Variants in MCF2L observed in about 807,000 individuals in gnomAD.
MCF2L encodes MCF.2 cell line derived transforming sequence like.
In MCF2L, 97 loss-of-function variants were observed where a neutral mutation model predicts 153.4. The observed-to-expected ratio is 0.63, with a 90% CI of 0.54 to 0.75. MCF2L has a LOEUF of 0.75. Ranked by LOEUF, MCF2L falls within the 30% of genes least tolerant of loss-of-function variation. MCF2L has a pLI of 0.00. For missense variants in MCF2L, 1,347 were observed against 1,495.2 expected (o/e 0.90, Z 1.64); for synonymous variants, 659 against 632.2 (o/e 1.04, Z -0.64).
intron 1 of MCF2L, chr13:113,010,121 C>G (rs919599116): frequency 6.0e-5 from 9 of 149,964 alleles, no homozygotes; most frequent in South Asian, 2.1e-4. Flanking sequence ...CCATACCCCC[C>G]CCACCCGCAC....
Position 112,969,290 on chromosome 13 carries a change from C to T in MCF2L, c.-90C>T. The T allele has an allele frequency of 6.6e-7, 1 of 1,514,956 alleles. No homozygotes were observed. Among genetic ancestry groups the T allele is most frequent in the Non-Finnish European group, 8.9e-7 (1 of 1,124,860 alleles). The allele number at this position is 1,514,956 out of a possible 1,614,324, so 93.8% of individuals were successfully genotyped here. ...CGTGGCCCCCTCCCCGCCTCCGCCG[C>T]GCCCCCTCCGCACTCGCACGGCCCC... On this transcript the variant is annotated 5_prime_UTR_variant, in exon 1 of 30. Coordinates refer to ENST00000535094, the MANE Select transcript of MCF2L (RefSeq NM_001112732.3). This position sits in a 1 kb window ranked among gnomAD's most constrained non-coding sequence, Gnocchi z 4.8.
At chr13:112,929,165 C>T (rs1286919538) in intron 2 of MCF2L, among the ~76,000 whole-genome samples, 1 of 152,238 alleles carries the variant, frequency 6.6e-6, no homozygotes, top group Non-Finnish European at 1.5e-5. Flanking sequence ...GCTGTTGGCT[C>T]ATTTTGCCTT....
At chr13:113,038,698 A>G (rs1397436730) in intron 3 of MCF2L, among the ~76,000 whole-genome samples, 1 of 152,168 alleles carries the variant, frequency 6.6e-6, no homozygotes, top group East Asian at 1.9e-4. Context: ...AGGAATAGTC[A>G]CCCAACTTTG....
At position 112,916,493 on chromosome 13, in the gene MCF2L, G is replaced by T. The variant is rs543603647; in HGVS notation, c.169+14122G>T. The stretch of plus-strand genomic sequence containing the variant: ...TCTCCGCACGTCCGCGCTCTCGCGT[G>T]CCTCACCTGTGAGGTCCTCTCCCTT... On this transcript the variant is annotated intron_variant, in intron 2 of 29. Transcript: ENST00000375608. Among the ~76,000 whole-genome samples the T allele has an allele frequency of 2.2e-4, 33 of 152,290 alleles. No individual in the cohort carries two copies. In the South Asian group the frequency reaches 6.6e-3, roughly 31 times the overall value.
In MCF2L at chr13:113,076,145, C is replaced by A. The variant is rs2033451079; in HGVS notation, c.1488C>A (p.Asn496Lys). 1 of 1,612,412 alleles carries A rather than the reference C, an allele frequency of 6.2e-7. No homozygotes were observed. The stretch of plus-strand genomic sequence containing the variant: ...ACAAGGAATACGAATCCATCCTCAA[C>A]CAAGATCTCATGGTAACGCTGACTC... ...AIYKEYESIL[N>K]QDLMEHVRKV... The change falls in exon 12 of 30, where the codon AAC (asparagine) becomes AAA (lysine). Residue 496 changes from asparagine to lysine, a missense_variant. Around this residue, in one of 3 missense-constraint regions of MCF2L, gnomAD observed 820 missense variants for 921.2 expected, o/e 0.89. Transcript: ENST00000535094.
rs546700324 is a variant in MCF2L at position 113,053,286 on chromosome 13, A to G, written c.370-7307A>G. Among the ~76,000 whole-genome samples the G allele has an allele frequency of 6.6e-6, 1 of 152,294 alleles. No homozygotes were observed. Among genetic ancestry groups the G allele is most frequent in the Admixed American group, 6.5e-5 (1 of 15,302 alleles). On this transcript the variant is annotated intron_variant, in intron 4 of 29. Coordinates refer to ENST00000535094, the MANE Select transcript of MCF2L (RefSeq NM_001112732.3). The surrounding 1 kb of genome is among the most constrained non-coding windows in gnomAD (Gnocchi z 4.4). ...CCCCCGTCAGCTGTCCACCCTTCTC[A>G]GTCGTCTCTAATCCACCCAGTTGTT...
chr13:112,991,260 G>T (rs186956852), intron 1 of MCF2L, among the ~76,000 whole-genome samples: 1 of 152,024 alleles, frequency 6.6e-6, no homozygotes, highest in Non-Finnish European at 1.5e-5. Context: ...GTGTTTTGGG[G>T]GGCATCTCCC....
chr13:112,989,350 A>G (rs1483924598), intron 1 of MCF2L, among the ~76,000 whole-genome samples: 4 of 115,186 alleles, frequency 3.5e-5, no homozygotes, highest in South Asian at 6.2e-4. Context: ...CCTGAGCAGG[A>G]CATGGAGCTA....
chr13:112,999,960 T>C (rs1413898701), intron 1 of MCF2L, among the ~76,000 whole-genome samples: 1 of 93,700 alleles, frequency 1.1e-5, no homozygotes, highest in Admixed American at 1.1e-4. Flanking sequence ...GGCCCCAGAG[T>C]GGAGGCAGGG....
chr13:113,084,519 A>G, intron 18 of MCF2L: 1 of 339,088 alleles, frequency 2.9e-6, no homozygotes, highest in Non-Finnish European at 5.4e-6. Context: ...TTGCTAAATA[A>G]CAGGTAATTT....
At chr13:113,090,073 A>G in intron 26 of MCF2L, 1 of 1,556,976 alleles carries the variant, frequency 6.4e-7, no homozygotes, top group Non-Finnish European at 8.7e-7. Flanking sequence ...CATAGATGAC[A>G]CGGTCACTAG....
chr13:112,899,775 C>T (rs1050116128), intron 1 of MCF2L, among the ~76,000 whole-genome samples: 49 of 152,316 alleles, frequency 3.2e-4, no homozygotes, highest in Middle Eastern at 3.4e-3. Flanking sequence ...ACGGAGGGAT[C>T]GCTGCATCCC....
intron 1 of MCF2L, among the ~76,000 whole-genome samples, chr13:113,000,230 C>T (rs1295015650): frequency 6.6e-6 from 1 of 152,196 alleles, no homozygotes; most frequent in African/African-American, 2.4e-5. Context: ...CCTGCTGTGG[C>T]TCAGGGGGCA....
intron 2 of MCF2L, among the ~76,000 whole-genome samples, chr13:112,959,032 C>T (rs900481100): frequency 1.2e-4 from 18 of 152,212 alleles, no homozygotes; most frequent in African/African-American, 1.9e-4. Flanking sequence ...AACTTCCGTA[C>T]GCACAGAATG....
intron 1 of MCF2L, among the ~76,000 whole-genome samples, chr13:112,988,832 G>A (rs1277642624): frequency 3.1e-4 from 27 of 86,188 alleles, no homozygotes; most frequent in Admixed American, 5.9e-4. Flanking sequence ...CCTGAGCAGG[G>A]GATGGAGCTA....
At chr13:112,976,885 C>A (rs867779313) in intron 1 of MCF2L, among the ~76,000 whole-genome samples, 21 of 152,182 alleles carry the variant, frequency 1.4e-4, no homozygotes, top group African/African-American at 4.8e-4. Flanking sequence ...GTCGCCCAGT[C>A]GGACAGTGCG....
intron 1 of MCF2L, among the ~76,000 whole-genome samples, chr13:113,004,230 G>A (rs762443993): frequency 1.2e-4 from 19 of 152,312 alleles, no homozygotes; most frequent in African/African-American, 3.1e-4. Flanking sequence ...GCCACCTGGC[G>A]TCACTTGGCA....
At chr13:113,047,553 A>G (rs1175597655) in intron 4 of MCF2L, among the ~76,000 whole-genome samples, 2 of 152,254 alleles carry the variant, frequency 1.3e-5, no homozygotes, top group Non-Finnish European at 2.9e-5. Flanking sequence ...ACACCGTTAC[A>G]GCCGCATCTT....
chr13:112,954,419 G>A (rs889157784), intron 2 of MCF2L, among the ~76,000 whole-genome samples: 6 of 152,214 alleles, frequency 3.9e-5, no homozygotes, highest in Non-Finnish European at 7.3e-5. Flanking sequence ...GCATCCTGAC[G>A]TGCTGTTGAT....
Sources: gnomAD v4.1 joint callset for allele counts (sites outside exome capture counted in the v4.1 genomes callset) on GRCh38, gnomAD v4.1.1 for gene constraint, gnomAD v4.1.1 regional missense constraint, Gnocchi (gnomAD v3.1) non-coding constraint, MANE v1.5 for transcripts, NCBI Gene and HGNC (gene_info 2026-07-23, HGNC 2026-07-21) for gene names.